ZNF26: variants seen among roughly 807,000 people sequenced by gnomAD.
ZNF26 encodes the protein epididymis luminal protein 179.
Under a neutral mutation model 54.9 loss-of-function variants are expected in ZNF26, and 32 were observed. The ratio of observed to expected loss-of-function variants is 0.58; its 90% CI spans 0.44 to 0.78. ZNF26 has a LOEUF of 0.78. Ranked by LOEUF, ZNF26 falls within the 30% of genes least tolerant of loss-of-function variation. The pLI, the probability that ZNF26 is intolerant of heterozygous loss-of-function variation, is 0.00. For synonymous variants in ZNF26, 221 were observed against 209.2 expected (o/e 1.06, Z -0.49); for missense variants, 524 against 634.0 (o/e 0.83, Z 1.86).
Position 133,012,578 on chromosome 12 carries a change from G to GTTTTTGTTTTTTTT in ZNF26, c.*1102_*1103insGTTTTTTTTTTTTT, listed in dbSNP as rs1953501610. On this transcript the variant is annotated 3_prime_UTR_variant, in exon 4 of 4. Transcript: ENST00000328654. ...ATGTCTTTTGCTTTTTGTTGTTTGGGTTTTTTTTTTTTTTTTTTTTTTTTT... is the reference window on the plus strand; with the variant it reads ...ATGTCTTTTGCTTTTTGTTGTTTGGGTTTTTGTTTTTTTTTTTTTTTTTTTTTTTTTTTTTTTTT... 1 of 37,652 alleles carries GTTTTTGTTTTTTTT rather than the reference G, an allele frequency of 2.7e-5. No homozygotes were observed. The highest frequency in any genetic ancestry group is 4.8e-5 in the Non-Finnish European group (1 of 20,650). The allele number at this position is 37,652 out of a possible 1,614,324, so 2.3% of individuals were successfully genotyped here.
chr12:133,003,288 C>T lies in ZNF26; in HGVS notation c.34-3754C>T, dbSNP rs796574360. ...TTTTTTTTTTTGAGATGGAGTCTCG[C>T]TCTGTTGCCCAGCTGGAGTGCAGTG... On this transcript the variant is annotated intron_variant, in intron 1 of 3. Transcript: ENST00000328654. 3.9e-3 allele frequency among the ~76,000 whole-genome samples: 577 copies of T among 147,092 alleles called. 6 individuals carry two copies. Among genetic ancestry groups the T allele is most frequent in the African/African-American group, 0.013 (534 of 39,580 alleles).
Position 133,021,273 on chromosome 12 carries a change from C to G in ZNF26, c.*9792C>G, listed in dbSNP as rs7954800. On this transcript the variant is annotated 3_prime_UTR_variant, in exon 4 of 4. Coordinates refer to ENST00000328654, the MANE Select transcript of ZNF26 (RefSeq NM_019591.4). ...TCAAGTGATTCTCCAGCCTCAGCCT[C>G]CTGAGTAGCTGGGATTACAGGTGCC... The G allele has an allele frequency of 0.92, 139,373 of 151,550 alleles. 64,427 individuals carry two copies. The highest frequency in any genetic ancestry group is 1 in the East Asian group (4,987 of 4,994). 9.4% of individuals were successfully genotyped at this position (151,550 alleles called of 1,614,324 possible).
intron 1 of ZNF26, chr12:133,004,387 G>A (rs1313545534): frequency 2.0e-5 from 3 of 152,268 alleles, no homozygotes; most frequent in Non-Finnish European, 2.9e-5. Context: ...GTTCAGATGT[G>A]TTTGAATCAA....
chr12:133,018,893 A>G lies in ZNF26; in HGVS notation c.*7412A>G, dbSNP rs1953601734. The G allele has an allele frequency of 6.6e-6, 1 of 152,186 alleles. No individual in the cohort carries two copies. Among genetic ancestry groups the G allele is most frequent in the Non-Finnish European group, 1.5e-5 (1 of 68,034 alleles). 9.4% of individuals were successfully genotyped at this position (152,186 alleles called of 1,614,324 possible). A position where few individuals can be genotyped will look rare whatever the true frequency, so the allele number is the denominator to read the frequency against. ...TAGGCATGAGCCAGCGCACCTGGCCAGTAATAACATTAAATGTGAATAGAT... is the reference window on the plus strand; with the variant it reads ...TAGGCATGAGCCAGCGCACCTGGCCGGTAATAACATTAAATGTGAATAGAT... On this transcript the variant is annotated 3_prime_UTR_variant, in exon 4 of 4. Transcript: ENST00000328654.
In ZNF26 at chr12:133,020,220, G is replaced by A. The variant is rs1953621509; in HGVS notation, c.*8739G>A. ...TAAAATCCTGTCATTTGCAGCAACT[G>A]GGATGGAACTGAAAGCCATTATAAT... On this transcript the variant is annotated 3_prime_UTR_variant, in exon 4 of 4. Transcript: ENST00000328654. 6.6e-6 allele frequency: 1 copy of A among 152,148 alleles called. No homozygotes were observed. The highest frequency in any genetic ancestry group is 2.4e-5 in the African/African-American group (1 of 41,426). The allele number at this position is 152,148 out of a possible 1,614,324, so 9.4% of individuals were successfully genotyped here.
chr12:133,021,188 G>A lies in ZNF26; in HGVS notation c.*9707G>A, dbSNP rs777582927. 2.1e-5 allele frequency: 3 copies of A among 145,018 alleles called. No homozygotes were observed. Among genetic ancestry groups the A allele is most frequent in the South Asian group, 2.2e-4 (1 of 4,614 alleles). The allele number at this position is 145,018 out of a possible 1,614,324, so 9.0% of individuals were successfully genotyped here. On this transcript the variant is annotated 3_prime_UTR_variant, in exon 4 of 4. Transcript: ENST00000328654. ...GGTTGAAGTGCAGTGGCACCGTGTC[G>A]GCTCACTGCAACCTCTGCCTCCCGG...
At chr12:133,009,098 C>A (rs1297924511) in intron 3 of ZNF26, among the ~76,000 whole-genome samples, 4 of 152,174 alleles carry the variant, frequency 2.6e-5, no homozygotes, top group African/African-American at 9.7e-5. Flanking sequence ...CCAGGCCCCA[C>A]CTCCAGCACT....
intron 1 of ZNF26, chr12:133,006,776 G>A (rs113122938): frequency 4.2e-5 from 14 of 332,626 alleles, no homozygotes; most frequent in Non-Finnish European, 6.2e-5. Context: ...TGTATTTTTA[G>A]TAGAGACAGG....
At position 132,989,028 on chromosome 12, in the gene ZNF26, A is replaced by ATTTTTT. The variant is rs150395603; in HGVS notation, c.33+2178_33+2183dup. 7.9e-4 allele frequency among the ~76,000 whole-genome samples: 62 copies of ATTTTTT among 78,846 alleles called. 12 individuals carry two copies. The highest frequency in any genetic ancestry group is 1.0e-3 in the Non-Finnish European group (46 of 43,924). The allele number at this position is 78,846 out of a possible 152,430, so 51.7% of individuals were successfully genotyped here. The stretch of plus-strand genomic sequence containing the variant: ...TGTAGTTCCAGGAGTCTTTCGGTGA[A>ATTTTTT]TTTTTTTTTTTTTTTTTTTTTTTTT... On this transcript the variant is annotated intron_variant, in intron 1 of 3. Coordinates refer to ENST00000328654, the MANE Select transcript of ZNF26 (RefSeq NM_019591.4).
rs1401263270 is a variant in ZNF26 at position 133,017,984 on chromosome 12, G to C, written c.*6503G>C. On this transcript the variant is annotated 3_prime_UTR_variant, in exon 4 of 4. Coordinates refer to ENST00000328654, the MANE Select transcript of ZNF26 (RefSeq NM_019591.4). ...AGATCACGCCACCGCACTTCAGCCT[G>C]GGCAACAGAGTGAGACTCCGTCTCA... The C allele has an allele frequency of 2.6e-5, 4 of 152,238 alleles. No homozygotes were observed. Among genetic ancestry groups the C allele is most frequent in the South Asian group, 2.1e-4 (1 of 4,836 alleles). 9.4% of individuals were successfully genotyped at this position (152,238 alleles called of 1,614,324 possible).
At chr12:132,993,455 G>GTGTTTT (rs1230523174) in intron 1 of ZNF26, among the ~76,000 whole-genome samples, 1 of 150,958 alleles carries the variant, frequency 6.6e-6, no homozygotes. Context: ...TGCCCTGTCT[G>GTGTTTT]TGTTTTTGTT....
rs1471162434 is a variant in ZNF26 at position 133,010,398 on chromosome 12, CTG to C, written c.527_528del (p.Cys176Ter). On this transcript the variant is annotated frameshift_variant, in exon 4 of 4. Coordinates refer to ENST00000328654, the MANE Select transcript of ZNF26 (RefSeq NM_019591.4). LOFTEE classifies it high-confidence loss of function. Reference protein sequence around the residue: ...HQRAHSIEKNCVCSECGKAFR... With the variant: ...HQRAHSIEKNXVCSECGKAFR... ...AAAGAGCTCATAGCATAGAAAAAAA[CTG>C]TGTGTGTAGTGAATGTGGGAAAGCT... 5.6e-6 allele frequency: 9 copies of C among 1,614,124 alleles called. No individual in the cohort carries two copies. Among genetic ancestry groups the C allele is most frequent in the African/African-American group, 1.3e-5 (1 of 75,038 alleles).
chr12:133,007,590 A>G, intron 3 of ZNF26, 58 bp downstream of exon 3: 1 of 1,205,980 alleles, frequency 8.3e-7, no homozygotes, highest in Non-Finnish European at 1.2e-6. Context: ...TGAGTACCTG[A>G]GGAGTGGGCA....
At chr12:132,988,612 A>G (rs1952879018) in intron 1 of ZNF26, among the ~76,000 whole-genome samples, 1 of 152,146 alleles carries the variant, frequency 6.6e-6, no homozygotes, top group South Asian at 2.1e-4. Flanking sequence ...CTGTTAGCTA[A>G]TCTAAGTCTT....
At chr12:132,999,698 A>G (rs1026388993) in intron 1 of ZNF26, among the ~76,000 whole-genome samples, 2 of 151,758 alleles carry the variant, frequency 1.3e-5, no homozygotes, top group Admixed American at 6.6e-5. Context: ...TGTTGAAAAA[A>G]AAATTTTTTT....
rs1953707200 is a variant in ZNF26, at chr12:133,026,480, T to C, written c.*14999T>C. 2 of 151,112 alleles carry C rather than the reference T, an allele frequency of 1.3e-5. No individual in the cohort carries two copies. Among genetic ancestry groups the C allele is most frequent in the Admixed American group, 1.3e-4 (2 of 15,112 alleles). The allele number at this position is 151,112 out of a possible 1,614,324, so 9.4% of individuals were successfully genotyped here. Reference sequence around the variant, plus strand: ...GTGTTCTGTTATGTAGAAGAGTGACTGGACCAACCCATAAAAAGGACAACT... The same window carrying C: ...GTGTTCTGTTATGTAGAAGAGTGACCGGACCAACCCATAAAAAGGACAACT... On this transcript the variant is annotated 3_prime_UTR_variant, in exon 4 of 4. Transcript: ENST00000328654.
At chr12:132,988,026 TGAGACG>T (rs1952861951) in intron 1 of ZNF26, among the ~76,000 whole-genome samples, 2 of 152,234 alleles carry the variant, frequency 1.3e-5, no homozygotes, top group African/African-American at 2.4e-5. Context: ...TTTATTTTTT[TGAGACG>T]GAGTCTCGCT....
intron 1 of ZNF26, among the ~76,000 whole-genome samples, chr12:132,999,081 T>A (rs1279759559): frequency 6.6e-6 from 1 of 152,190 alleles, no homozygotes; most frequent in Non-Finnish European, 1.5e-5. Flanking sequence ...ATCAAGCAGC[T>A]CTTTGTCAGT....
In ZNF26 at chr12:133,010,158, G is replaced by C. The variant is rs1014371378; in HGVS notation, c.279G>C (p.Gln93His). The change falls in exon 4 of 4, where the codon CAG becomes CAC. Residue 93 changes from glutamine to histidine, a missense_variant. By Grantham distance (24) the Gln-to-His change is conservative. Coordinates refer to ENST00000328654, the MANE Select transcript of ZNF26 (RefSeq NM_019591.4). ...SCPDGWEEWY[Q>H]NNQDELESIE... ...TAGATGGCTGGGAAGAATGGTACCA[G>C]AACAATCAAGATGAGCTTGAGAGTA... is the stretch of plus-strand genomic sequence containing the variant. 15 of 1,598,406 alleles carry C rather than the reference G, an allele frequency of 9.4e-6. No individual in the cohort carries two copies. The highest frequency in any genetic ancestry group is 1.7e-4 in the Middle Eastern group (1 of 5,976).
Sources: allele counts gnomAD v4.1 joint callset (sites outside exome capture counted in the v4.1 genomes callset), GRCh38; gene constraint gnomAD v4.1.1; transcripts MANE v1.5; gene names NCBI Gene and HGNC (gene_info 2026-07-23, HGNC 2026-07-21).